Variants in MAF observed in about 807,000 individuals in gnomAD.
The protein encoded by MAF is transcription factor Maf.
In MAF, 10 loss-of-function variants were observed where a neutral mutation model predicts 22.0. That is an observed-to-expected ratio of 0.45 (90% CI 0.28 to 0.77). The LOEUF (loss-of-function observed/expected upper bound fraction) is 0.77. Ranked by LOEUF, MAF falls within the 30% of genes least tolerant of loss-of-function variation. The probability of loss-of-function intolerance (pLI) is 0.12; values close to 1 mark genes in which losing one functional copy is unlikely to be tolerated. For synonymous variants in MAF, 337 were observed against 255.8 expected (o/e 1.32, Z -3.03); for missense variants, 544 against 548.4 (o/e 0.99, Z 0.08).
chr16:79,302,445 GA>G, the MAF span, among the ~76,000 whole-genome samples: 4 of 152,198 alleles, frequency 2.6e-5, no homozygotes, highest in Non-Finnish European at 4.4e-5. Flanking sequence ...CCTTGTGCCA[GA>G]ATCAGATCAA....
At chr16:79,479,944 C>A in the MAF span, among the ~76,000 whole-genome samples, 1 of 152,148 alleles carries the variant, frequency 6.6e-6, no homozygotes, top group East Asian at 1.9e-4. Flanking sequence ...CTACTTCCAG[C>A]AGGTTTTCAA....
At chr16:79,213,197 T>A in the MAF span, among the ~76,000 whole-genome samples, 1 of 152,170 alleles carries the variant, frequency 6.6e-6, no homozygotes, top group Non-Finnish European at 1.5e-5. Context: ...CAGGAAGGTG[T>A]GGAGGCTGGG....
chr16:79,289,108 G>A, the MAF span, among the ~76,000 whole-genome samples: 1 of 152,188 alleles, frequency 6.6e-6, no homozygotes, highest in African/African-American at 2.4e-5. Flanking sequence ...TGAAGTATGA[G>A]GCCATGCAAG....
chr16:79,386,807 A>G, the MAF span, among the ~76,000 whole-genome samples: 1 of 152,150 alleles, frequency 6.6e-6, no homozygotes, highest in Non-Finnish European at 1.5e-5. Flanking sequence ...CCTTAGAGCC[A>G]AAAGAAGACA....
chr16:79,598,045 A>G (rs1438582167), intron 1 of MAF: 2 of 1,041,624 alleles, frequency 1.9e-6, no homozygotes, highest in Non-Finnish European at 2.3e-6. Context: ...TAGCATAACA[A>G]TGCTAAAAAA....
chr16:79,464,979 G>A, the MAF span, among the ~76,000 whole-genome samples: 400 of 152,310 alleles, frequency 2.6e-3, 2 homozygotes, highest in African/African-American at 9.2e-3. Flanking sequence ...GAGAAATGTG[G>A]CTGAGTATAT....
At chr16:79,395,281 C>A in the MAF span, among the ~76,000 whole-genome samples, 2 of 152,174 alleles carry the variant, frequency 1.3e-5, no homozygotes, top group South Asian at 4.1e-4. Context: ...GGGTTATCTC[C>A]AGGTGGGGTG....
the MAF span, among the ~76,000 whole-genome samples, chr16:79,219,479 G>T: frequency 6.0e-5 from 9 of 150,466 alleles, no homozygotes; most frequent in African/African-American, 2.2e-4. Flanking sequence ...TGAACCCGGG[G>T]GGCGGAGCCT....
chr16:79,334,405 G>A, the MAF span, among the ~76,000 whole-genome samples: 1 of 152,176 alleles, frequency 6.6e-6, no homozygotes, highest in Non-Finnish European at 1.5e-5. Flanking sequence ...GGTGACAGAA[G>A]TCAGAACAGC....
chr16:79,336,674 G>C, the MAF span, among the ~76,000 whole-genome samples: 1 of 152,218 alleles, frequency 6.6e-6, no homozygotes, highest in Non-Finnish European at 1.5e-5. Flanking sequence ...AGGTCACAAA[G>C]CTGAGAACAT....
chr16:79,574,523 C>G, the MAF span, among the ~76,000 whole-genome samples: 1 of 152,172 alleles, frequency 6.6e-6, no homozygotes, highest in African/African-American at 2.4e-5. Context: ...TCTCTTAGTT[C>G]AAGTGCTGGC....
the MAF span, among the ~76,000 whole-genome samples, chr16:79,223,965 A>G: frequency 5.9e-5 from 9 of 152,308 alleles, no homozygotes; most frequent in African/African-American, 1.9e-4. Flanking sequence ...TTCTGAAACT[A>G]TTGCAAACAA....
At chr16:79,545,621 G>A in the MAF span, among the ~76,000 whole-genome samples, 19 of 151,926 alleles carry the variant, frequency 1.3e-4, no homozygotes, top group African/African-American at 3.6e-4. Context: ...CCCCCACAGA[G>A]GCATCTTATT....
the MAF span, among the ~76,000 whole-genome samples, chr16:79,532,233 C>A: frequency 2.0e-5 from 3 of 152,116 alleles, no homozygotes; most frequent in African/African-American, 7.2e-5. Flanking sequence ...AGAGACATGG[C>A]CCCCACTCTG....
chr16:79,335,631 G>A, the MAF span, among the ~76,000 whole-genome samples: 3 of 152,110 alleles, frequency 2.0e-5, no homozygotes, highest in Non-Finnish European at 4.4e-5. Context: ...ACCCCCAAGG[G>A]GAAGGGAGGC....
At chr16:79,364,152 G>C in the MAF span, among the ~76,000 whole-genome samples, 2 of 152,184 alleles carry the variant, frequency 1.3e-5, no homozygotes, top group African/African-American at 4.8e-5. Context: ...CTAATTGGGA[G>C]CTTATACATC....
At chr16:79,587,892 T>G (rs1912950393) in intron 1 of MAF, among the ~76,000 whole-genome samples, 1 of 150,464 alleles carries the variant, frequency 6.6e-6, no homozygotes, top group Admixed American at 6.6e-5. Flanking sequence ...TAGATACTAT[T>G]TGCACACCTG....
At chr16:79,246,725 T>C in the MAF span, among the ~76,000 whole-genome samples, 3 of 152,172 alleles carry the variant, frequency 2.0e-5, no homozygotes, top group African/African-American at 7.2e-5. Flanking sequence ...AAATAATCTG[T>C]GGTGGGTGGA....
chr16:79,446,443 C>T, the MAF span, among the ~76,000 whole-genome samples: 28 of 152,164 alleles, frequency 1.8e-4, no homozygotes, highest in Non-Finnish European at 3.4e-4. Context: ...GTATTAATAG[C>T]ACCCTTTCAC....
Sources: gnomAD v4.1 joint callset for allele counts (sites outside exome capture counted in the v4.1 genomes callset) on GRCh38, gnomAD v4.1.1 for gene constraint, MANE v1.5 for transcripts, NCBI Gene and HGNC (gene_info 2026-07-23, HGNC 2026-07-21) for gene names.